THEMIS: variants seen among roughly 807,000 people sequenced by gnomAD.
The protein encoded by THEMIS is protein THEMIS.
In THEMIS, 37 loss-of-function variants were observed where a neutral mutation model predicts 52.6. That is an observed-to-expected ratio of 0.70 (90% confidence interval 0.54 to 0.93). The LOEUF (loss-of-function observed/expected upper bound fraction) is 0.93. Ranked by LOEUF, THEMIS falls within the 40% of genes least tolerant of loss-of-function variation. The pLI is 0.00. For synonymous variants in THEMIS, 292 were observed against 272.7 expected (o/e 1.07, Z -0.70); for missense variants, 808 against 763.1 (o/e 1.06, Z -0.69).
chr6:127,884,817 G>A (rs1459059583), intron 1 of THEMIS, among the ~76,000 whole-genome samples: 10 of 152,140 alleles, frequency 6.6e-5, no homozygotes, highest in South Asian at 4.1e-4. Flanking sequence ...AGTTTCTGGT[G>A]AGGCCTCTCT....
At chr6:127,833,082 C>A (rs1020320197) in intron 2 of THEMIS, among the ~76,000 whole-genome samples, 1 of 151,700 alleles carries the variant, frequency 6.6e-6, no homozygotes, top group Non-Finnish European at 1.5e-5. Context: ...TCACACCTGG[C>A]CTGTTAGTTC....
At chr6:127,729,695 A>G (rs1031711837) in intron 4 of THEMIS, among the ~76,000 whole-genome samples, 1 of 152,056 alleles carries the variant, frequency 6.6e-6, no homozygotes, top group African/African-American at 2.4e-5. Flanking sequence ...CCATTGCCTC[A>G]TTCATTTTTC....
At chr6:127,900,619 T>G (rs956899207) in intron 1 of THEMIS, among the ~76,000 whole-genome samples, 1 of 152,060 alleles carries the variant, frequency 6.6e-6, no homozygotes, top group Non-Finnish European at 1.5e-5. Context: ...GAAGCTTCAC[T>G]CAATTCCTTA....
intron 1 of THEMIS, among the ~76,000 whole-genome samples, chr6:127,875,552 G>C (rs926506929): frequency 2.0e-5 from 3 of 152,196 alleles, no homozygotes; most frequent in East Asian, 1.9e-4. Flanking sequence ...CTGCAATGTT[G>C]GAAATATAAT....
intron 1 of THEMIS, among the ~76,000 whole-genome samples, chr6:127,890,221 A>AAG (rs1780761236): frequency 6.6e-6 from 1 of 152,150 alleles, no homozygotes; most frequent in South Asian, 2.1e-4. Flanking sequence ...AATTAGAACC[A>AAG]TTCGAATCAC....
chr6:127,744,148 C>G (rs1236763601), intron 4 of THEMIS, among the ~76,000 whole-genome samples: 1 of 152,014 alleles, frequency 6.6e-6, no homozygotes, highest in East Asian at 1.9e-4. Flanking sequence ...ATTGGGTTTA[C>G]CAGAGTCTGG....
intron 4 of THEMIS, among the ~76,000 whole-genome samples, chr6:127,799,522 T>C (rs1381128085): frequency 7.3e-6 from 1 of 136,806 alleles, no homozygotes; most frequent in African/African-American, 2.7e-5. Flanking sequence ...TCTTTCTTTC[T>C]TTCTTTCTCT....
chr6:127,844,383 T>C (rs1779147227), intron 2 of THEMIS, among the ~76,000 whole-genome samples: 1 of 151,978 alleles, frequency 6.6e-6, no homozygotes, highest in South Asian at 2.1e-4. Flanking sequence ...TAGTAGAGGA[T>C]GTTCCATCTC....
At chr6:127,871,239 A>T (rs1780147159) in intron 1 of THEMIS, among the ~76,000 whole-genome samples, 1 of 152,094 alleles carries the variant, frequency 6.6e-6, no homozygotes, top group Non-Finnish European at 1.5e-5. Context: ...CATGAGGCAA[A>T]AATAAGAAAA....
chr6:127,812,819 G>C (rs766076472), intron 4 of THEMIS, 64 bp downstream of exon 4: 2 of 1,469,104 alleles, frequency 1.4e-6, no homozygotes, highest in Non-Finnish European at 1.8e-6. Flanking sequence ...ACTCAGAAAA[G>C]ACTTGAAACA....
At chr6:127,704,261 C>T (rs1773771328), downstream of THEMIS, among the ~76,000 whole-genome samples, 1 of 152,098 alleles carries the variant, frequency 6.6e-6, no homozygotes, top group Non-Finnish European at 1.5e-5. Flanking sequence ...TGCTCTGAAT[C>T]ATGTATGAGG....
chr6:127,822,503 G>GACTTTAAA, intron 3 of THEMIS, among the ~76,000 whole-genome samples: 1 of 152,110 alleles, frequency 6.6e-6, no homozygotes, highest in Non-Finnish European at 1.5e-5. Context: ...TATTTAAAAT[G>GACTTTAAA]AATACACTTG....
chr6:127,831,736 A>G (rs917388081), intron 2 of THEMIS, among the ~76,000 whole-genome samples: 1 of 152,168 alleles, frequency 6.6e-6, no homozygotes, highest in Non-Finnish European at 1.5e-5. Flanking sequence ...CAAGGTAGCA[A>G]ATGCAACCTA....
At chr6:127,719,398 T>G (rs1442644817) in intron 5 of THEMIS, among the ~76,000 whole-genome samples, 1 of 151,922 alleles carries the variant, frequency 6.6e-6, no homozygotes, top group Non-Finnish European at 1.5e-5. Context: ...AGCAAAAATA[T>G]TATTATCACA....
At chr6:127,909,158 G>T (rs964157077) in intron 1 of THEMIS, among the ~76,000 whole-genome samples, 14 of 151,892 alleles carry the variant, frequency 9.2e-5, no homozygotes, top group African/African-American at 2.9e-4. Context: ...TTAGTTTATT[G>T]GGCAACAGAC....
intron 4 of THEMIS, among the ~76,000 whole-genome samples, chr6:127,785,717 T>C (rs1448231987): frequency 6.6e-6 from 1 of 151,884 alleles, no homozygotes; most frequent in Non-Finnish European, 1.5e-5. Flanking sequence ...ACTACAAATA[T>C]AGACCAAAAA....
chr6:127,807,410 T>C (rs1777755717), intron 4 of THEMIS: 1 of 201,746 alleles, frequency 5.0e-6, no homozygotes, highest in African/African-American at 2.6e-5. Context: ...TAAAATTGTA[T>C]CTCACAGTCA....
At chr6:127,712,817 A>G (rs543843012) in intron 5 of THEMIS, among the ~76,000 whole-genome samples, 1 of 152,102 alleles carries the variant, frequency 6.6e-6, no homozygotes. Context: ...AGTTATAAGC[A>G]TAAAATTACA....
At position 127,709,997 on chromosome 6, in the gene THEMIS, T is replaced by G; in HGVS notation, c.1914A>C (p.Lys638Asn). ...TAIAETFKNE[K>N]HQK is the part of the protein sequence containing the mutation. ...CTGTCACATCTTGTTATTTTTGATG[T>G]TTTTCATTTTTGAATGTTTCTATAA... is the stretch of plus-strand genomic sequence containing the variant. The change falls in exon 6 of 6, where the codon AAA (lysine) becomes AAC (asparagine). Residue 638 changes from lysine to asparagine, a missense_variant. Transcript: ENST00000368248. 6.3e-7 allele frequency: 1 copy of G among 1,586,528 alleles called. No homozygotes were observed. The highest frequency in any genetic ancestry group is 8.6e-7 in the Non-Finnish European group (1 of 1,167,150).
Sources: allele counts gnomAD v4.1 joint callset (sites outside exome capture counted in the v4.1 genomes callset), GRCh38; gene constraint gnomAD v4.1.1; transcripts MANE v1.5; gene names NCBI Gene and HGNC (gene_info 2026-07-23, HGNC 2026-07-21).